Variants in TTLL4 observed in about 807,000 individuals in gnomAD.
TTLL4 encodes tubulin tyrosine ligase like 4.
A neutral mutation model predicts 122.7 loss-of-function variants in TTLL4; 85 were observed. The ratio of observed to expected loss-of-function variants is 0.69; its 90% CI spans 0.58 to 0.83. The LOEUF is 0.83. TTLL4 is among the 40% of genes least tolerant of loss of function. The pLI, the probability that TTLL4 is intolerant of heterozygous loss-of-function variation, is 0.00. For synonymous variants in TTLL4, 553 were observed against 563.0 expected, an observed-to-expected ratio of 0.98 and a Z score of 0.25; for missense variants, 1,363 against 1,488.6, an observed-to-expected ratio of 0.92 and a Z score of 1.39.
At chr2:218,737,505 A>T (rs1190137430) in intron 2 of TTLL4, 74 bp from the exon 3 acceptor site, 2 of 766,938 alleles carry the variant, frequency 2.6e-6, no homozygotes, top group Non-Finnish European at 4.1e-6. Context: ...TGTACTGCTT[A>T]CCTGAGGACC....
intron 1 of TTLL4, among the ~76,000 whole-genome samples, chr2:218,725,903 A>T (rs1427230483): frequency 1.3e-5 from 2 of 152,050 alleles, no homozygotes; most frequent in Admixed American, 6.5e-5. Context: ...ATTATTTTTG[A>T]CAAGTTTGTC....
At chr2:218,718,733 A>G (rs938426226) in intron 1 of TTLL4, among the ~76,000 whole-genome samples, 1 of 152,224 alleles carries the variant, frequency 6.6e-6, no homozygotes. Flanking sequence ...TAAGGAGGAA[A>G]CTTGAGGCAA....
Position 218,740,599 on chromosome 2 carries a change from A to G in TTLL4, c.1661+15A>G, listed in dbSNP as rs372729701. ...ATGATCTCTAGGTAAGTGTGGCTGT[A>G]TAGATCATTGTTACATGCTCATCTT... On this transcript the variant is annotated intron_variant, in intron 5 of 19. Transcript: ENST00000392102. The G allele has an allele frequency of 8.1e-6, 13 of 1,613,854 alleles. No homozygotes were observed. The highest frequency in any genetic ancestry group is 6.7e-5 in the African/African-American group (5 of 74,932).
At chr2:218,714,494 G>A (rs1277406731) in intron 1 of TTLL4, among the ~76,000 whole-genome samples, 2 of 152,160 alleles carry the variant, frequency 1.3e-5, no homozygotes. Context: ...ACAGAGAAAA[G>A]CTTTTCCTTT....
chr2:218,744,459 G>C (rs1448109555), intron 5 of TTLL4, among the ~76,000 whole-genome samples: 1 of 152,050 alleles, frequency 6.6e-6, no homozygotes, highest in Non-Finnish European at 1.5e-5. Flanking sequence ...GGACCCCCAT[G>C]GCCCACTGTC....
intron 1 of TTLL4, among the ~76,000 whole-genome samples, chr2:218,725,339 C>T (rs1575162527): frequency 6.6e-6 from 1 of 152,108 alleles, no homozygotes; most frequent in African/African-American, 2.4e-5. Flanking sequence ...CCTACCTTAG[C>T]CTCCCAAGTA....
In TTLL4 at chr2:218,746,479, GAACTCC is replaced by G. The variant is rs1942846572; in HGVS notation, c.1974+252_1974+257del. On this transcript the variant is annotated intron_variant, in intron 8 of 19. Coordinates refer to ENST00000392102, the MANE Select transcript of TTLL4 (RefSeq NM_014640.5). Reference sequence around the variant, plus strand: ...TAGGGGGCAGCTGAGTCCCTCTCCTGAACTCCAACCTCATAGGAGGGTGTAACTCTG... The same window carrying G: ...TAGGGGGCAGCTGAGTCCCTCTCCTGAACCTCATAGGAGGGTGTAACTCTG... 3 of 536,664 alleles carry G rather than the reference GAACTCC, an allele frequency of 5.6e-6. No individual in the cohort carries two copies. In the East Asian group the frequency reaches 9.2e-5, roughly 16 times the overall value. 33.2% of individuals were successfully genotyped at this position (536,664 alleles called of 1,614,324 possible). A position where few individuals can be genotyped will look rare whatever the true frequency, so the allele number is the denominator to read the frequency against.
chr2:218,716,778 A>T (rs1022315623), intron 1 of TTLL4, among the ~76,000 whole-genome samples: 5 of 151,826 alleles, frequency 3.3e-5, no homozygotes, highest in African/African-American at 1.2e-4. Context: ...ACAGAGCGAG[A>T]CTCTGTCTCA....
At chr2:218,745,906 G>C in intron 7 of TTLL4, 105 bp downstream of exon 7, 1 of 1,089,416 alleles carries the variant, frequency 9.2e-7, no homozygotes, top group Non-Finnish European at 1.4e-6. Context: ...GGGCAGCTGG[G>C]GCCCTCTCCT....
downstream of TTLL4, among the ~76,000 whole-genome samples, chr2:218,758,684 A>G (rs1943192469): frequency 6.6e-6 from 1 of 152,230 alleles, no homozygotes; most frequent in African/African-American, 2.4e-5. Flanking sequence ...AACTTAAAAG[A>G]TTGAAAATAC....
chr2:218,711,601 C>G (rs1038249919), intron 1 of TTLL4, among the ~76,000 whole-genome samples: 2 of 152,068 alleles, frequency 1.3e-5, no homozygotes, highest in African/African-American at 2.4e-5. Flanking sequence ...TTTAATGAGC[C>G]TGGGTACAAT....
chr2:218,716,790 A>C (rs903881540), intron 1 of TTLL4, among the ~76,000 whole-genome samples: 1 of 152,158 alleles, frequency 6.6e-6, no homozygotes, highest in Non-Finnish European at 1.5e-5. Context: ...TCTGTCTCAA[A>C]AAGAAAAAAA....
chr2:218,739,288 T>A, intron 3 of TTLL4, 125 bp downstream of exon 3: 2 of 1,200,258 alleles, frequency 1.7e-6, no homozygotes, highest in Non-Finnish European at 2.3e-6. Context: ...ATTTTTGGTT[T>A]TCACTTCAGG....
intron 2 of TTLL4, among the ~76,000 whole-genome samples, chr2:218,733,767 T>C (rs1219656393): frequency 6.6e-6 from 1 of 152,186 alleles, no homozygotes; most frequent in Non-Finnish European, 1.5e-5. Flanking sequence ...CTCTTTTGGA[T>C]TAAAAGCCAA....
Position 218,738,521 on chromosome 2 carries a change from G to C in TTLL4, c.845G>C (p.Ser282Thr). The change falls in exon 3 of 20, where the codon AGT (serine) becomes ACT (threonine). Residue 282 changes from serine (S) to threonine (T), a missense_variant. Coordinates refer to ENST00000392102, the MANE Select transcript of TTLL4 (RefSeq NM_014640.5). Reference protein sequence around the residue: ...KSIGTVPADASAHIALSTASS... With the variant: ...KSIGTVPADATAHIALSTASS... ...ATTGGCACTGTCCCAGCTGATGCCA[G>C]TGCCCATATCGCCTTGTCTACCGCT... The C allele has an allele frequency of 1.2e-6, 2 of 1,614,194 alleles. No individual in the cohort carries two copies. Among genetic ancestry groups the C allele is most frequent in the Non-Finnish European group, 1.7e-6 (2 of 1,180,036 alleles).
Position 218,721,846 on chromosome 2 carries a change from G to A in TTLL4, c.-177-5423G>A, listed in dbSNP as rs184882156. ...TGAGGTTTTTATTTTAAAATAGCCA[G>A]GCCCAGTGGCTCATACCTGTAATCT... is the stretch of plus-strand genomic sequence containing the variant. On this transcript the variant is annotated intron_variant, in intron 1 of 19. Coordinates refer to ENST00000392102, the MANE Select transcript of TTLL4 (RefSeq NM_014640.5). 7.2e-5 allele frequency among the ~76,000 whole-genome samples: 11 copies of A among 152,258 alleles called. 1 individual carries two copies. The highest frequency in any genetic ancestry group is 7.2e-4 in the Admixed American group (11 of 15,282).
intron 13 of TTLL4, 38 bp from the exon 14 acceptor site, chr2:218,749,215 A>T (rs779801355): frequency 6.2e-7 from 1 of 1,611,080 alleles, no homozygotes; most frequent in Non-Finnish European, 8.5e-7. Context: ...GCCCTCTGGG[A>T]GGAGCTGAAC....
chr2:218,757,310 C>T (rs1351968633), downstream of TTLL4, among the ~76,000 whole-genome samples: 1 of 152,164 alleles, frequency 6.6e-6, no homozygotes, highest in Non-Finnish European at 1.5e-5. Context: ...ACCTTCACCC[C>T]AGTGCACACA....
chr2:218,711,886 T>TTTTTTTTTTTTTTTTTGAGACGG (rs1357357418), intron 1 of TTLL4, among the ~76,000 whole-genome samples: 2 of 150,790 alleles, frequency 1.3e-5, no homozygotes, highest in South Asian at 2.1e-4. Context: ...ACCTATTCTT[T>TTTTTTTTTTTTTTTTTGAGACGG]AACTGCAGCA....
Sources: allele counts gnomAD v4.1 joint callset (sites outside exome capture counted in the v4.1 genomes callset), GRCh38; gene constraint gnomAD v4.1.1; transcripts MANE v1.5; gene names NCBI Gene and HGNC (gene_info 2026-07-23, HGNC 2026-07-21).